PDE1C: variants seen among roughly 807,000 people sequenced by gnomAD.
PDE1C encodes phosphodiesterase 1C.
In PDE1C, 62 loss-of-function variants were observed where a neutral mutation model predicts 93.1. The ratio of observed to expected loss-of-function variants is 0.67; its 90% confidence interval spans 0.54 to 0.82. The LOEUF (loss-of-function observed/expected upper bound fraction) is 0.82. PDE1C is among the 40% of genes least tolerant of loss of function. The pLI is 0.00. For synonymous variants in PDE1C, 325 were observed against 310.1 expected (o/e 1.05, Z -0.50); for missense variants, 742 against 884.6 (o/e 0.84, Z 2.04).
intron 11 of PDE1C, among the ~76,000 whole-genome samples, chr7:31,833,393 G>A (rs7793878): frequency 0.056 from 8,518 of 152,214 alleles, 651 homozygotes; most frequent in African/African-American, 0.17. Flanking sequence ...CCTGATATGT[G>A]GAAGCGACTT....
intron 2 of PDE1C, among the ~76,000 whole-genome samples, chr7:31,905,502 A>G (rs1800481624): frequency 6.6e-6 from 1 of 152,202 alleles, no homozygotes; most frequent in East Asian, 1.9e-4. Flanking sequence ...CTTTAGAGCC[A>G]AAAAACAATT....
the PDE1C span, among the ~76,000 whole-genome samples, chr7:31,678,964 T>C: frequency 1.3e-5 from 2 of 152,204 alleles, no homozygotes; most frequent in South Asian, 4.1e-4. Context: ...TGGATTGTGA[T>C]GCGAATGTAA....
chr7:31,752,048 A>G lies in PDE1C; in HGVS notation c.*1336T>C, dbSNP rs529068265. ...AAACCTACATTATCATTAATCTTCA[A>G]TACAAAGTGCAGAGTGTGTATATGA... On this transcript the variant is annotated 3_prime_UTR_variant, in exon 18 of 18. Transcript: ENST00000396191. 2.0e-5 allele frequency: 3 copies of G among 152,284 alleles called. No individual in the cohort carries two copies. Among genetic ancestry groups the G allele is most frequent in the Admixed American group, 1.3e-4 (2 of 15,298 alleles). The allele number at this position is 152,284 out of a possible 1,614,324, so 9.4% of individuals were successfully genotyped here.
intron 3 of PDE1C, among the ~76,000 whole-genome samples, chr7:32,123,069 A>G (rs32298): frequency 0.68 from 104,127 of 152,072 alleles, 36,365 homozygotes; most frequent in Middle Eastern, 0.81. Flanking sequence ...TACCATCAGA[A>G]AATACTATAA....
At chr7:31,739,235 ACAC>A in the PDE1C span, among the ~76,000 whole-genome samples, 1 of 151,032 alleles carries the variant, frequency 6.6e-6, no homozygotes, top group Non-Finnish European at 1.5e-5. Flanking sequence ...ACACACACAC[ACAC>A]CAGCTCTTCT....
At chr7:31,914,271 A>G (rs1801606483) in intron 2 of PDE1C, among the ~76,000 whole-genome samples, 1 of 152,206 alleles carries the variant, frequency 6.6e-6, no homozygotes, top group African/African-American at 2.4e-5. Flanking sequence ...AAAGATTATC[A>G]TGGGAAAACT....
chr7:31,984,811 A>G (rs1000597415), intron 2 of PDE1C, among the ~76,000 whole-genome samples: 5 of 152,206 alleles, frequency 3.3e-5, no homozygotes, highest in African/African-American at 9.6e-5. Flanking sequence ...AAATGTTGAC[A>G]CAAATGATCT....
chr7:32,392,250 G>T (rs1784763074), intron 1 of PDE1C, among the ~76,000 whole-genome samples: 1 of 152,082 alleles, frequency 6.6e-6, no homozygotes, highest in South Asian at 2.1e-4. Flanking sequence ...ACAAAAACAT[G>T]TTAGAAAATC....
At chr7:31,952,229 A>T (rs995210792) in intron 2 of PDE1C, among the ~76,000 whole-genome samples, 1 of 152,106 alleles carries the variant, frequency 6.6e-6, no homozygotes, top group Non-Finnish European at 1.5e-5. Context: ...AAGGTAGAAG[A>T]ATGTACCTAT....
At chr7:32,257,299 G>A (rs979508659) in intron 1 of PDE1C, among the ~76,000 whole-genome samples, 3 of 152,170 alleles carry the variant, frequency 2.0e-5, no homozygotes, top group African/African-American at 7.2e-5. Flanking sequence ...TCCTGCGTCA[G>A]GTTCATCTCT....
At chr7:31,848,534 T>C (rs543591655) in intron 8 of PDE1C, among the ~76,000 whole-genome samples, 104 of 152,302 alleles carry the variant, frequency 6.8e-4, no homozygotes, top group Admixed American at 1.1e-3. Flanking sequence ...GGGTACTATC[T>C]GTAAGCTGCC....
At chr7:32,387,704 A>T (rs1440700737) in intron 1 of PDE1C, among the ~76,000 whole-genome samples, 1 of 115,972 alleles carries the variant, frequency 8.6e-6, no homozygotes, top group Non-Finnish European at 1.7e-5. Flanking sequence ...TCCCTCCCGG[A>T]CGGGGCGGCT....
chr7:32,019,538 G>C (rs1183979178), intron 2 of PDE1C, among the ~76,000 whole-genome samples: 1 of 152,136 alleles, frequency 6.6e-6, no homozygotes, highest in Non-Finnish European at 1.5e-5. Context: ...TCATGTTTTA[G>C]AAAGATTATT....
intron 3 of PDE1C, chr7:32,077,883 A>G: frequency 1.0e-6 from 1 of 985,294 alleles, no homozygotes; most frequent in Non-Finnish European, 1.2e-6. Flanking sequence ...CAGTTTAGAA[A>G]TGAGGTGGTG....
At chr7:31,990,838 A>C (rs974206226) in intron 2 of PDE1C, among the ~76,000 whole-genome samples, 2 of 152,218 alleles carry the variant, frequency 1.3e-5, no homozygotes, top group Admixed American at 6.5e-5. Context: ...AATGAATTTA[A>C]ATTATAATTG....
At chr7:31,818,514 C>T (rs572888069) in intron 14 of PDE1C, among the ~76,000 whole-genome samples, 1 of 152,268 alleles carries the variant, frequency 6.6e-6, no homozygotes, top group East Asian at 1.9e-4. Context: ...TGTGATTTAT[C>T]CTATATGCAA....
At chr7:32,348,355 G>GTTT (rs1783893103) in intron 1 of PDE1C, among the ~76,000 whole-genome samples, 1 of 100,532 alleles carries the variant, frequency 9.9e-6, no homozygotes, top group African/African-American at 3.5e-5. Context: ...AAACAAATGT[G>GTTT]CTTTTTTTTT....
At chr7:32,054,333 C>G (rs1391209820) in intron 1 of PDE1C, among the ~76,000 whole-genome samples, 1 of 152,188 alleles carries the variant, frequency 6.6e-6, no homozygotes, top group Admixed American at 6.5e-5. Flanking sequence ...AGACCTCAGG[C>G]AAGCTCTGTG....
intron 2 of PDE1C, among the ~76,000 whole-genome samples, chr7:32,018,597 G>A (rs1788233209): frequency 6.6e-6 from 1 of 151,690 alleles, no homozygotes; most frequent in South Asian, 2.1e-4. Flanking sequence ...CCATTTATAT[G>A]AAATGTCCAG....
Sources: allele counts gnomAD v4.1 joint callset (sites outside exome capture counted in the v4.1 genomes callset), GRCh38; gene constraint gnomAD v4.1.1; transcripts MANE v1.5; gene names NCBI Gene and HGNC (gene_info 2026-07-23, HGNC 2026-07-21).